THADA: variants seen among roughly 807,000 people sequenced by gnomAD.
The protein encoded by THADA is THADA armadillo repeat containing.
In THADA, 213 loss-of-function variants were observed where a neutral mutation model predicts 219.8. The ratio of observed to expected loss-of-function variants is 0.97; its 90% CI spans 0.87 to 1.09. THADA has a LOEUF of 1.09. Among genes scored for constraint, THADA ranks in the 50% least tolerant of loss-of-function variants. The pLI, the probability that THADA is intolerant of heterozygous loss-of-function variation, is 0.00. For missense variants in THADA, 2,956 were observed against 2,311.3 expected (o/e 1.28, Z -5.72); for synonymous variants, 1,018 against 828.9 (o/e 1.23, Z -3.92).
intron 29 of THADA, among the ~76,000 whole-genome samples, chr2:43,362,514 G>A (rs747474454): frequency 6.4e-4 from 98 of 152,148 alleles, no homozygotes; most frequent in Non-Finnish European, 1.2e-3. Flanking sequence ...TAATATAAAG[G>A]ATTTTAAACG....
chr2:43,318,043 T>C (rs1162710452), intron 31 of THADA, among the ~76,000 whole-genome samples: 1 of 152,148 alleles, frequency 6.6e-6, no homozygotes, highest in Non-Finnish European at 1.5e-5. Context: ...TATTTTATTT[T>C]ATTTTATTTT....
intron 29 of THADA, among the ~76,000 whole-genome samples, chr2:43,368,608 G>C (rs777794842): frequency 3.8e-4 from 58 of 151,766 alleles, no homozygotes; most frequent in Non-Finnish European, 6.6e-4. Flanking sequence ...ATGTTTCCCA[G>C]GTTGGTCTGG....
chr2:43,473,344 G>C (rs1018056430), intron 26 of THADA, among the ~76,000 whole-genome samples: 9 of 152,076 alleles, frequency 5.9e-5, no homozygotes, highest in African/African-American at 2.2e-4. Flanking sequence ...ACAAGGTCAA[G>C]ATCATCAATA....
At chr2:43,291,115 G>T (rs989882479) in intron 34 of THADA, among the ~76,000 whole-genome samples, 15 of 151,888 alleles carry the variant, frequency 9.9e-5, no homozygotes, top group Admixed American at 8.5e-4. Context: ...ATGTGTTTTG[G>T]GGGGAAGGTT....
chr2:43,289,959 GTT>G, intron 34 of THADA, among the ~76,000 whole-genome samples: 1 of 129,608 alleles, frequency 7.7e-6, no homozygotes, highest in Non-Finnish European at 1.6e-5. Context: ...CGGCCCTGGT[GTT>G]TTTTTTTTGT....
intron 22 of THADA, among the ~76,000 whole-genome samples, chr2:43,524,579 C>T (rs968310574): frequency 5.3e-5 from 8 of 152,120 alleles, no homozygotes; most frequent in Non-Finnish European, 1.5e-5. Context: ...ATAAAACGCT[C>T]TCAAAAGGGC....
rs952021202 is a variant in THADA, at chr2:43,586,608, C to T, written c.484+94G>A. On this transcript the variant is annotated intron_variant, in intron 6 of 37. Transcript: ENST00000405975. The stretch of plus-strand genomic sequence containing the variant: ...TGATGTACCTAAGTTATCTACAATG[C>T]TCTACCTATTACCAAGAAACTTAAA... 2.5e-5 allele frequency: 35 copies of T among 1,409,660 alleles called. No individual in the cohort carries two copies. In the Middle Eastern group the frequency reaches 7.6e-4, roughly 31 times the overall value. 87.3% of individuals were successfully genotyped at this position (1,409,660 alleles called of 1,614,324 possible). A position where few individuals can be genotyped will look rare whatever the true frequency, so the allele number is the denominator to read the frequency against.
rs144036947 is a variant in THADA at position 43,430,998 on chromosome 2, A to T, written c.3837-696T>A. On this transcript the variant is annotated intron_variant, in intron 26 of 37. Transcript: ENST00000405975. ...TGAACTTGTAAGAATTATCTTTTTC[A>T]ACTTTATAAAAACTTCTCTTGAACT... Among the ~76,000 whole-genome samples the T allele has an allele frequency of 6.8e-3, 1,040 of 152,286 alleles. 16 individuals are homozygous for T. Among genetic ancestry groups the T allele is most frequent in the African/African-American group, 0.024 (1,003 of 41,550 alleles).
At chr2:43,554,757 C>G (rs1697149965) in intron 17 of THADA, among the ~76,000 whole-genome samples, 1 of 152,134 alleles carries the variant, frequency 6.6e-6, no homozygotes, top group Non-Finnish European at 1.5e-5. Flanking sequence ...GATGCACATA[C>G]TTTGTGACCA....
At chr2:43,329,878 T>C (rs926416095) in intron 30 of THADA, among the ~76,000 whole-genome samples, 2 of 152,256 alleles carry the variant, frequency 1.3e-5, no homozygotes, top group Non-Finnish European at 2.9e-5. Context: ...GTGGCGATTA[T>C]GTTGATAGAG....
At chr2:43,246,432 T>A (rs138973901) in intron 36 of THADA, among the ~76,000 whole-genome samples, 10,786 of 151,878 alleles carry the variant, frequency 0.071, 466 homozygotes, top group South Asian at 0.19. Flanking sequence ...GAGGTGGAGG[T>A]TGCAGAGAGC....
chr2:43,414,740 C>A (rs992105303), intron 28 of THADA, among the ~76,000 whole-genome samples: 1 of 152,086 alleles, frequency 6.6e-6, no homozygotes, highest in Non-Finnish European at 1.5e-5. Flanking sequence ...GACTTGACTC[C>A]CCTCACTGCT....
At chr2:43,272,728 GA>G (rs1558498603) in intron 36 of THADA, among the ~76,000 whole-genome samples, 1 of 149,318 alleles carries the variant, frequency 6.7e-6, no homozygotes, top group Non-Finnish European at 1.5e-5. Flanking sequence ...GGGCTCAAGT[GA>G]TCCTCCCACC....
At chr2:43,247,718 A>G (rs1233071591) in intron 36 of THADA, among the ~76,000 whole-genome samples, 3 of 117,686 alleles carry the variant, frequency 2.5e-5, no homozygotes, top group Admixed American at 1.0e-4. Flanking sequence ...ACAGAGCAAG[A>G]CTCCGTCTCA....
chr2:43,354,001 T>C (rs1032720614), intron 29 of THADA, among the ~76,000 whole-genome samples: 5 of 151,832 alleles, frequency 3.3e-5, no homozygotes, highest in South Asian at 2.1e-4. Context: ...GTATTTTTAG[T>C]AGAGATGGGG....
chr2:43,483,600 T>A (rs1447023929), intron 26 of THADA, among the ~76,000 whole-genome samples: 11 of 152,042 alleles, frequency 7.2e-5, no homozygotes, highest in Admixed American at 3.9e-4. Context: ...ATCTTTCCTA[T>A]CCAAGAGGAA....
chr2:43,557,630 G>C (rs1321964176), intron 16 of THADA, among the ~76,000 whole-genome samples: 1 of 152,216 alleles, frequency 6.6e-6, no homozygotes, highest in Non-Finnish European at 1.5e-5. Context: ...TGCTGTTGTA[G>C]TCATGGAAAG....
At chr2:43,581,363 C>G (rs55869963) in intron 8 of THADA, among the ~76,000 whole-genome samples, 1 of 151,870 alleles carries the variant, frequency 6.6e-6, no homozygotes, top group Non-Finnish European at 1.5e-5. Context: ...AACCCTTTCT[C>G]TATTAAAAAT....
At chr2:43,402,386 C>T (rs775923738) in intron 28 of THADA, among the ~76,000 whole-genome samples, 1 of 152,170 alleles carries the variant, frequency 6.6e-6, no homozygotes, top group East Asian at 1.9e-4. Context: ...GTGAAATACA[C>T]ACTTGGACTT....
Sources: gnomAD v4.1 joint callset for allele counts (sites outside exome capture counted in the v4.1 genomes callset) on GRCh38, gnomAD v4.1.1 for gene constraint, MANE v1.5 for transcripts, NCBI Gene and HGNC (gene_info 2026-07-23, HGNC 2026-07-21) for gene names.